The following ATP6V1G3 variants were observed in gnomAD, a reference collection of about 807,000 sequenced individuals.
ATP6V1G3 encodes the protein V-type proton ATPase subunit G 3.
A neutral mutation model predicts 9.3 loss-of-function variants in ATP6V1G3; 9 were observed. The ratio of observed to expected loss-of-function variants is 0.97; its 90% CI spans 0.59 to 1.69. The LOEUF (loss-of-function observed/expected upper bound fraction) is 1.69. Among genes scored for constraint, ATP6V1G3 ranks in the 40% most tolerant of loss-of-function variants. ATP6V1G3 has a pLI of 0.00. For missense variants in ATP6V1G3, 133 were observed against 139.0 expected, an observed-to-expected ratio of 0.96 and a Z score of 0.22; for synonymous variants, 43 against 43.8, an observed-to-expected ratio of 0.98 and a Z score of 0.07.
intron 1 of ATP6V1G3, among the ~76,000 whole-genome samples, chr1:198,533,298 T>C (rs1659980498): frequency 7.1e-6 from 1 of 140,300 alleles, no homozygotes; most frequent in Non-Finnish European, 1.5e-5. Flanking sequence ...TGAGACTCTG[T>C]CTAAAAAAAA....
intron 2 of ATP6V1G3, among the ~76,000 whole-genome samples, chr1:198,528,373 A>G (rs1659749480): frequency 6.6e-6 from 1 of 152,086 alleles, no homozygotes; most frequent in Non-Finnish European, 1.5e-5. Flanking sequence ...AGCTTTACTT[A>G]TATTTTTATT....
rs1188865479 is a variant in ATP6V1G3, at chr1:198,523,477, A to T, written c.271T>A (p.Tyr91Asn). ...AGCTGGTTCATCACACTTTCCATATACTTATTGTAGTGTCCATTAAGTTCT... is the reference window on the plus strand; with the variant it reads ...AGCTGGTTCATCACACTTTCCATATTCTTATTGTAGTGTCCATTAAGTTCT... ...IQELNGHYNK[Y>N]MESVMNQLLS... is the part of the protein sequence containing the mutation. Residue 91 changes from tyrosine (Y) to asparagine (N), a missense_variant, in exon 3 of 3, where the codon TAT (tyrosine) becomes AAT (asparagine). Physicochemically the swap from Tyr to Asn is moderately radical, Grantham distance 143. Coordinates refer to ENST00000367382, the MANE Select transcript of ATP6V1G3 (RefSeq NM_001376861.1). 5 of 1,613,334 alleles carry T rather than the reference A, an allele frequency of 3.1e-6. No individual in the cohort carries two copies. The Admixed American group carries it at 6.7e-5, about 22-fold the overall frequency.
intron 1 of ATP6V1G3, among the ~76,000 whole-genome samples, chr1:198,530,524 C>T (rs1659855789): frequency 6.6e-6 from 1 of 152,128 alleles, no homozygotes; most frequent in Non-Finnish European, 1.5e-5. Context: ...ACTGGGAAGT[C>T]CTCATTCAGA....
intron 1 of ATP6V1G3, 21 bp from the exon 2 acceptor site, chr1:198,529,202 A>C (rs1659790034): frequency 4.6e-6 from 2 of 433,024 alleles, no homozygotes; most frequent in Admixed American, 4.9e-5. Flanking sequence ...ACAAATATAT[A>C]TATATATATA....
In ATP6V1G3 at chr1:198,538,790, C is replaced by G. The variant is rs1343324281; in HGVS notation, c.82+1779G>C. Among the ~76,000 whole-genome samples the G allele has an allele frequency of 6.3e-4, 95 of 150,068 alleles. 1 individual carries two copies. Among genetic ancestry groups the G allele is most frequent in the Non-Finnish European group, 5.9e-5 (4 of 67,828 alleles). ...TGGTGGCGTGTGTCTGTGGTCCCAG[C>G]TACTCTAGAGGCTGAGGTATGGCTT... On this transcript the variant is annotated intron_variant, in intron 1 of 2. Coordinates refer to ENST00000367382, the MANE Select transcript of ATP6V1G3 (RefSeq NM_001376861.1).
At chr1:198,537,729 G>A (rs971699375) in intron 1 of ATP6V1G3, among the ~76,000 whole-genome samples, 1 of 152,100 alleles carries the variant, frequency 6.6e-6, no homozygotes, top group Admixed American at 6.6e-5. Flanking sequence ...AGTCATTTGT[G>A]CATTTATCTC....
chr1:198,535,392 A>G (rs544043762), intron 1 of ATP6V1G3, among the ~76,000 whole-genome samples: 1 of 152,138 alleles, frequency 6.6e-6, no homozygotes, highest in Non-Finnish European at 1.5e-5. Flanking sequence ...AATTCAGAAT[A>G]TATGCATATT....
Position 198,524,186 on chromosome 1 carries a change from G to A in ATP6V1G3, c.184-622C>T, listed in dbSNP as rs181512924. Among the ~76,000 whole-genome samples the A allele has an allele frequency of 8.3e-4, 123 of 147,740 alleles. 1 individual carries two copies. The highest frequency in any genetic ancestry group is 4.6e-4 in the Non-Finnish European group (31 of 67,562). On this transcript the variant is annotated intron_variant, in intron 2 of 2. Coordinates refer to ENST00000367382, the MANE Select transcript of ATP6V1G3 (RefSeq NM_001376861.1). ...GTCGCCCAGGCTGGAGTGCAATAGC[G>A]TAGTCTTGGCTCACTGCAACCTTCG... is the stretch of plus-strand genomic sequence containing the variant.
chr1:198,526,850 A>C (rs114845832), intron 2 of ATP6V1G3, among the ~76,000 whole-genome samples: 217 of 152,304 alleles, frequency 1.4e-3, no homozygotes, highest in Admixed American at 5.9e-3. Context: ...TTCATGATCT[A>C]TCTGACTTTT....
chr1:198,538,253 A>G (rs1327248371), intron 1 of ATP6V1G3, among the ~76,000 whole-genome samples: 4 of 152,212 alleles, frequency 2.6e-5, no homozygotes. Flanking sequence ...TAGAAATAAG[A>G]CAGTATGTAC....
Position 198,523,364 on chromosome 1 carries a change from T to G in ATP6V1G3, c.*27A>C, listed in dbSNP as rs1659519226. Reference sequence around the variant, plus strand: ...AACCAGGTGGCACTCACACACCTTTTTTTTTCTTGAAAACTGTGATGTACA... The same window carrying G: ...AACCAGGTGGCACTCACACACCTTTGTTTTTCTTGAAAACTGTGATGTACA... On this transcript the variant is annotated 3_prime_UTR_variant, in exon 3 of 3. Coordinates refer to ENST00000367382, the MANE Select transcript of ATP6V1G3 (RefSeq NM_001376861.1). 6.9e-6 allele frequency: 11 copies of G among 1,599,370 alleles called. No homozygotes were observed. The highest frequency in any genetic ancestry group is 9.4e-6 in the Non-Finnish European group (11 of 1,173,314).
chr1:198,531,974 GA>G (rs1053302810), intron 1 of ATP6V1G3, among the ~76,000 whole-genome samples: 5 of 150,532 alleles, frequency 3.3e-5, no homozygotes, highest in African/African-American at 9.8e-5. Flanking sequence ...AAGTCAAGGA[GA>G]AAAAAAAAGG....
intron 1 of ATP6V1G3, among the ~76,000 whole-genome samples, chr1:198,534,626 T>C (rs535519114): frequency 1.1e-4 from 16 of 152,282 alleles, no homozygotes; most frequent in African/African-American, 1.4e-4. Flanking sequence ...CCAGATACCC[T>C]AGTGTGGTGA....
At chr1:198,530,955 A>G (rs1659876100) in intron 1 of ATP6V1G3, among the ~76,000 whole-genome samples, 4 of 152,068 alleles carry the variant, frequency 2.6e-5, no homozygotes, top group Admixed American at 2.0e-4. Context: ...TCTTAATTGC[A>G]TAATATCTAA....
At chr1:198,528,040 T>C (rs1027273392) in intron 2 of ATP6V1G3, among the ~76,000 whole-genome samples, 30 of 152,050 alleles carry the variant, frequency 2.0e-4, no homozygotes, top group Non-Finnish European at 4.3e-4. Flanking sequence ...AAGACCAATA[T>C]GGCTAGAACA....
intron 1 of ATP6V1G3, among the ~76,000 whole-genome samples, chr1:198,532,115 A>G (rs1659924763): frequency 6.6e-6 from 1 of 152,152 alleles, no homozygotes; most frequent in Non-Finnish European, 1.5e-5. Context: ...GGGATGCAGG[A>G]GGAAGGTCTG....
intron 2 of ATP6V1G3, among the ~76,000 whole-genome samples, chr1:198,525,376 G>A (rs1659614200): frequency 6.6e-6 from 1 of 152,146 alleles, no homozygotes; most frequent in South Asian, 2.1e-4. Flanking sequence ...TTGGTTTAGT[G>A]TAACTGTTGT....
chr1:198,536,858 G>T, intron 1 of ATP6V1G3: 1 of 686,848 alleles, frequency 1.5e-6, no homozygotes, highest in Non-Finnish European at 2.4e-6. Flanking sequence ...TGTGTATTTT[G>T]CTTTACTATC....
intron 1 of ATP6V1G3, 91 bp downstream of exon 1, chr1:198,540,478 A>G: frequency 7.2e-7 from 1 of 1,384,036 alleles, no homozygotes; most frequent in Non-Finnish European, 1.0e-6. Flanking sequence ...AAAGTTTGAA[A>G]CAAGGTCTGC....
Sources: allele counts gnomAD v4.1 joint callset (sites outside exome capture counted in the v4.1 genomes callset), GRCh38; gene constraint gnomAD v4.1.1; transcripts MANE v1.5; gene names NCBI Gene and HGNC (gene_info 2026-07-23, HGNC 2026-07-21).